Variants in ADAM2 observed in about 807,000 individuals in gnomAD.
ADAM2 encodes disintegrin and metalloproteinase domain-containing protein 2.
A neutral mutation model predicts 99.3 loss-of-function variants in ADAM2; 101 were observed. The observed-to-expected ratio is 1.02, with a 90% CI of 0.87 to 1.20. ADAM2 has a LOEUF of 1.20. Ranked by LOEUF, ADAM2 falls within the 50% of genes most tolerant of loss-of-function variation. ADAM2 has a pLI of 0.00. For missense variants in ADAM2, 948 were observed against 878.7 expected (o/e 1.08, Z -1.00); for synonymous variants, 323 against 287.6 (o/e 1.12, Z -1.25).
chr8:39,777,575 T>A (rs571150640), intron 10 of ADAM2, among the ~76,000 whole-genome samples: 2 of 152,150 alleles, frequency 1.3e-5, no homozygotes, highest in Non-Finnish European at 2.9e-5. Flanking sequence ...GATGGTTTAA[T>A]GAGTAGAGAA....
intron 7 of ADAM2, among the ~76,000 whole-genome samples, chr8:39,792,665 G>A (rs568412491): frequency 2.0e-5 from 3 of 151,958 alleles, no homozygotes; most frequent in Admixed American, 2.0e-4. Flanking sequence ...AGGCATTGCT[G>A]TTCTACTGGA....
At chr8:39,762,704 GC>G (rs1802418259) in intron 14 of ADAM2, among the ~76,000 whole-genome samples, 1 of 152,078 alleles carries the variant, frequency 6.6e-6, no homozygotes, top group Non-Finnish European at 1.5e-5. Flanking sequence ...AAAAAATTCT[GC>G]CTGTGGACTT....
chr8:39,810,475 A>G (rs1278553671), intron 6 of ADAM2, among the ~76,000 whole-genome samples: 3 of 152,226 alleles, frequency 2.0e-5, no homozygotes, highest in Non-Finnish European at 4.4e-5. Flanking sequence ...AATCAACAGA[A>G]TATACATTCT....
At chr8:39,818,688 A>G (rs1239528255) in intron 6 of ADAM2, among the ~76,000 whole-genome samples, 1 of 152,070 alleles carries the variant, frequency 6.6e-6, no homozygotes, top group Admixed American at 6.6e-5. Flanking sequence ...GTGGAGTTCA[A>G]TAGAGAACTA....
chr8:39,777,056 C>T lies in ADAM2; in HGVS notation c.997G>A (p.Gly333Arg), dbSNP rs1205310632. Reference protein sequence around the residue: ...YDDINKCQCSGAVCIMNPEAI... With the variant: ...YDDINKCQCSRAVCIMNPEAI... ...TCTGGATTCATAATGCAGACAGCTCCTGAGCACTGGCATTTGTTAATGTCA... is the reference window on the plus strand; with the variant it reads ...TCTGGATTCATAATGCAGACAGCTCTTGAGCACTGGCATTTGTTAATGTCA... The change falls in exon 11 of 21, where the codon GGA (glycine) becomes AGA (arginine). Residue 333 changes from glycine to arginine, a missense_variant. Transcript: ENST00000265708. 2.0e-5 allele frequency: 32 copies of T among 1,596,144 alleles called. No individual in the cohort carries two copies. The highest frequency in any genetic ancestry group is 2.7e-5 in the Non-Finnish European group (32 of 1,164,418).
At chr8:39,828,040 A>G (rs1231890998) in intron 3 of ADAM2, among the ~76,000 whole-genome samples, 2 of 152,006 alleles carry the variant, frequency 1.3e-5, no homozygotes, top group African/African-American at 4.8e-5. Context: ...TTAAATAAAG[A>G]TTTAATGACA....
rs765940473 is a variant in ADAM2, at chr8:39,788,663, A to C, written c.642+6T>G. 2 of 1,569,710 alleles carry C rather than the reference A, an allele frequency of 1.3e-6. No homozygotes were observed. Among genetic ancestry groups the C allele is most frequent in the Non-Finnish European group, 8.7e-7 (1 of 1,152,550 alleles). On this transcript the variant is annotated splice_donor_region_variant and intron_variant, in intron 8 of 20. Transcript: ENST00000265708. The stretch of plus-strand genomic sequence containing the variant: ...AGTGCAAAAGTACTAAGAAGCAAAG[A>C]CTTACAGCATTCGTCAATCCAATCA...
At chr8:39,824,140 G>A (rs1394645748) in intron 4 of ADAM2, among the ~76,000 whole-genome samples, 14 of 151,934 alleles carry the variant, frequency 9.2e-5, no homozygotes, top group African/African-American at 1.7e-4. Flanking sequence ...AAAATTAGCC[G>A]GGCATGGTGA....
chr8:39,787,024 T>G lies in ADAM2; in HGVS notation c.841A>C (p.Thr281Pro). Residue 281 changes from threonine to proline, a missense_variant, in exon 10 of 21, where the codon ACC (threonine) becomes CCC (proline). Transcript: ENST00000265708. Reference protein sequence around the residue: ...YREKSNYVGATFQGKMCDANY... With the variant: ...YREKSNYVGAPFQGKMCDANY... ...GCATCACACATCTTCCCTTGAAAGGTTGCACCAACATAATTTGACTTTTCT... is the reference window on the plus strand; with the variant it reads ...GCATCACACATCTTCCCTTGAAAGGGTGCACCAACATAATTTGACTTTTCT... 1 of 1,591,374 alleles carries G rather than the reference T, an allele frequency of 6.3e-7. No homozygotes were observed. The highest frequency in any genetic ancestry group is 8.6e-7 in the Non-Finnish European group (1 of 1,168,352).
intron 20 of ADAM2, among the ~76,000 whole-genome samples, chr8:39,744,445 C>T (rs942313553): frequency 6.6e-6 from 1 of 151,916 alleles, no homozygotes; most frequent in Non-Finnish European, 1.5e-5. Flanking sequence ...CCAACCCCCC[C>T]ATCCTTAAAA....
chr8:39,753,988 C>T (rs1802058448), intron 16 of ADAM2, among the ~76,000 whole-genome samples: 1 of 152,156 alleles, frequency 6.6e-6, no homozygotes, highest in South Asian at 2.1e-4. Context: ...TTGGGGTCAA[C>T]CTGAATATAA....
chr8:39,750,286 T>A (rs1464018775), intron 16 of ADAM2, among the ~76,000 whole-genome samples: 1 of 152,092 alleles, frequency 6.6e-6, no homozygotes, highest in African/African-American at 2.4e-5. Flanking sequence ...AAATAAATAT[T>A]TGAGTCCTAC....
chr8:39,755,161 T>C (rs899369456), intron 16 of ADAM2, among the ~76,000 whole-genome samples: 17 of 152,214 alleles, frequency 1.1e-4, no homozygotes, highest in Non-Finnish European at 2.4e-4. Flanking sequence ...TGATATGAGA[T>C]ATTTAATAAA....
At position 39,746,650 on chromosome 8, in the gene ADAM2, A is replaced by G. The variant is rs76640362; in HGVS notation, c.2015-19T>C. The G allele has an allele frequency of 6.2e-3, 9,553 of 1,543,042 alleles. 47 individuals are homozygous for G. Among genetic ancestry groups the G allele is most frequent in the Non-Finnish European group, 7.0e-3 (8,107 of 1,150,022 alleles). On this transcript the variant is annotated intron_variant, in intron 18 of 20. Coordinates refer to ENST00000265708, the MANE Select transcript of ADAM2 (RefSeq NM_001464.5). The stretch of plus-strand genomic sequence containing the variant: ...CGCCTTTCTAGAAGAAAAAAAAATC[A>G]AAGATTTGAAAGCAAGCACCAGAAA...
At chr8:39,784,439 G>T (rs1201556521) in intron 10 of ADAM2, among the ~76,000 whole-genome samples, 5 of 152,072 alleles carry the variant, frequency 3.3e-5, no homozygotes, top group African/African-American at 1.2e-4. Context: ...GGAGTGCAGT[G>T]GTGCAGTCCT....
At chr8:39,756,098 A>G (rs558373819) in intron 15 of ADAM2, among the ~76,000 whole-genome samples, 187 bp from the exon 16 acceptor site, 1 of 152,316 alleles carries the variant, frequency 6.6e-6, no homozygotes, top group African/African-American at 2.4e-5. Context: ...TTTAGTAATT[A>G]ATTATGAACT....
At chr8:39,757,753 A>G (rs552913220) in intron 15 of ADAM2, among the ~76,000 whole-genome samples, 1 of 152,204 alleles carries the variant, frequency 6.6e-6, no homozygotes, top group Non-Finnish European at 1.5e-5. Context: ...AGCCTTCAGA[A>G]AAGCAAAAGT....
chr8:39,787,990 AT>A (rs1018183392), intron 9 of ADAM2, 94 bp downstream of exon 9: 42 of 838,076 alleles, frequency 5.0e-5, no homozygotes, highest in South Asian at 3.8e-5. Context: ...AAAAAAATAG[AT>A]TTTTTTAATA....
intron 7 of ADAM2, among the ~76,000 whole-genome samples, chr8:39,789,928 A>G (rs1458214298): frequency 1.3e-5 from 2 of 151,868 alleles, no homozygotes; most frequent in Non-Finnish European, 2.9e-5. Flanking sequence ...CTAGTACACA[A>G]ATGCAAATAT....
Sources: allele counts gnomAD v4.1 joint callset (sites outside exome capture counted in the v4.1 genomes callset), GRCh38; gene constraint gnomAD v4.1.1; transcripts MANE v1.5; gene names NCBI Gene and HGNC (gene_info 2026-07-23, HGNC 2026-07-21).